AUTS2: variants seen among roughly 807,000 people sequenced by gnomAD.
AUTS2 encodes the protein autism susceptibility gene 2 protein.
AUTS2 carries 17 observed loss-of-function variants against 112.4 expected under a neutral mutation model. The ratio of observed to expected loss-of-function variants is 0.15; its 90% confidence interval spans 0.10 to 0.23. The LOEUF is 0.23. AUTS2 is among the 10% of genes least tolerant of loss of function. The pLI, the probability that AUTS2 is intolerant of heterozygous loss-of-function variation, is 1.00. For synonymous variants in AUTS2, 751 were observed against 702.7 expected (o/e 1.07, Z -1.09); for missense variants, 1,510 against 1,701.6 (o/e 0.89, Z 1.98).
chr7:70,755,995 C>T lies in AUTS2; in HGVS notation c.743-6875C>T, dbSNP rs1425616126. On this transcript the variant is annotated intron_variant, in intron 6 of 18. Coordinates refer to ENST00000342771, the MANE Select transcript of AUTS2 (RefSeq NM_015570.4). ...TTTTCTATAATATTCATTTGTTTTG[C>T]ACTTTTCCTCCTCCTCCTCCTCAAT... Among the ~76,000 whole-genome samples, 9 of 151,980 alleles carry T rather than the reference C, an allele frequency of 5.9e-5. No homozygotes were observed. In the East Asian group the frequency reaches 1.7e-3, roughly 29 times the overall value.
intron 2 of AUTS2, among the ~76,000 whole-genome samples, chr7:70,061,986 C>T (rs1802270660): frequency 6.6e-6 from 1 of 151,492 alleles, no homozygotes; most frequent in African/African-American, 2.4e-5. Flanking sequence ...TGGGATTTTG[C>T]CATGTTAGCC....
At chr7:70,735,336 G>A (rs1182902496) in intron 6 of AUTS2, among the ~76,000 whole-genome samples, 2 of 152,184 alleles carry the variant, frequency 1.3e-5, no homozygotes, top group Non-Finnish European at 2.9e-5. Flanking sequence ...AATTCAGTTG[G>A]TTTGTTCAGA....
chr7:70,752,173 G>A (rs1331964794), intron 6 of AUTS2, among the ~76,000 whole-genome samples: 9 of 152,174 alleles, frequency 5.9e-5, no homozygotes, highest in Non-Finnish European at 1.5e-5. Context: ...TAGCAGGAAG[G>A]CTGCACTGGG....
chr7:69,677,035 C>T (rs1796595707), intron 1 of AUTS2, among the ~76,000 whole-genome samples: 1 of 152,098 alleles, frequency 6.6e-6, no homozygotes, highest in African/African-American at 2.4e-5. Context: ...TAGAAAATTT[C>T]TGAAGAGAGA....
At chr7:69,844,330 C>A (rs978328384) in intron 1 of AUTS2, among the ~76,000 whole-genome samples, 6 of 152,124 alleles carry the variant, frequency 3.9e-5, no homozygotes, top group African/African-American at 1.4e-4. Flanking sequence ...ATAAGGAAAC[C>A]AGTCTTACTG....
intron 4 of AUTS2, among the ~76,000 whole-genome samples, chr7:70,368,871 G>A (rs1230448596): frequency 1.3e-5 from 2 of 152,132 alleles, no homozygotes; most frequent in African/African-American, 2.4e-5. Flanking sequence ...CAAGAGCAGC[G>A]TGAGGGGTCT....
Position 69,975,549 on chromosome 7 carries a change from G to C in AUTS2, c.522+76051G>C, listed in dbSNP as rs896430711. Among the ~76,000 whole-genome samples the C allele has an allele frequency of 6.6e-5, 10 of 151,194 alleles. 1 individual carries two copies. Among genetic ancestry groups the C allele is most frequent in the Admixed American group, 6.6e-4 (10 of 15,196 alleles). Reference sequence around the variant, plus strand: ...ATACTCTGTTTTTTGTTGTTGTTTTGTTTGTTTGTTTTGTTTTTCAGTCTC... The same window carrying C: ...ATACTCTGTTTTTTGTTGTTGTTTTCTTTGTTTGTTTTGTTTTTCAGTCTC... On this transcript the variant is annotated intron_variant, in intron 2 of 18. Transcript: ENST00000342771.
At chr7:70,229,764 C>T (rs1367640279) in intron 4 of AUTS2, among the ~76,000 whole-genome samples, 2 of 149,922 alleles carry the variant, frequency 1.3e-5, no homozygotes, top group Non-Finnish European at 3.0e-5. Flanking sequence ...CATTTTTTCC[C>T]CCTGTTCTTC....
chr7:70,689,718 G>T (rs1808655604), intron 5 of AUTS2, among the ~76,000 whole-genome samples: 1 of 143,674 alleles, frequency 7.0e-6, no homozygotes. Context: ...GGGGCTTGCA[G>T]TGAGCCAAGA....
At chr7:69,807,238 G>T (rs1017286768) in intron 1 of AUTS2, among the ~76,000 whole-genome samples, 1 of 152,108 alleles carries the variant, frequency 6.6e-6, no homozygotes, top group African/African-American at 2.4e-5. Context: ...GTCACTGTGG[G>T]TATTTATTTT....
At chr7:70,407,777 G>A (rs535883326) in intron 4 of AUTS2, among the ~76,000 whole-genome samples, 2 of 151,868 alleles carry the variant, frequency 1.3e-5, no homozygotes, top group South Asian at 4.2e-4. Context: ...AAAATGGGCC[G>A]GGCGTGATGG....
At chr7:70,126,672 A>C (rs888202233) in intron 3 of AUTS2, among the ~76,000 whole-genome samples, 3 of 152,212 alleles carry the variant, frequency 2.0e-5, no homozygotes, top group African/African-American at 4.8e-5. Flanking sequence ...AAATTTGTCA[A>C]AAGTTAGGAG....
chr7:69,651,405 C>G (rs1045651340), intron 1 of AUTS2, among the ~76,000 whole-genome samples: 1 of 152,190 alleles, frequency 6.6e-6, no homozygotes, highest in South Asian at 2.1e-4. Context: ...CATTTTACTC[C>G]GTGGCTAATA....
chr7:70,126,006 G>A (rs1444798621), intron 3 of AUTS2, among the ~76,000 whole-genome samples: 1 of 152,174 alleles, frequency 6.6e-6, no homozygotes, highest in Non-Finnish European at 1.5e-5. Context: ...TCTCAAGTGA[G>A]GCTAATCAAA....
At chr7:70,430,765 C>T (rs945255834) in intron 4 of AUTS2, among the ~76,000 whole-genome samples, 52 of 151,786 alleles carry the variant, frequency 3.4e-4, no homozygotes, top group African/African-American at 1.2e-3. Context: ...ATCTAAATAA[C>T]CAGCACTGGG....
intron 2 of AUTS2, among the ~76,000 whole-genome samples, chr7:70,068,178 CTT>C (rs774140092): frequency 1.0e-4 from 14 of 137,670 alleles, no homozygotes; most frequent in Admixed American, 2.2e-4. Flanking sequence ...TTTTTTTTTT[CTT>C]TTTTTTTTTT....
At chr7:70,661,005 C>A (rs1351715720) in intron 5 of AUTS2, among the ~76,000 whole-genome samples, 1 of 152,154 alleles carries the variant, frequency 6.6e-6, no homozygotes, top group Non-Finnish European at 1.5e-5. Flanking sequence ...ACATGTCACA[C>A]CCTGCAATTA....
intron 4 of AUTS2, among the ~76,000 whole-genome samples, chr7:70,381,057 C>T (rs1348992106): frequency 3.9e-5 from 6 of 151,964 alleles, no homozygotes; most frequent in African/African-American, 7.3e-5. Flanking sequence ...GCAATGATAC[C>T]GTATAAATAA....
chr7:69,698,755 TA>T lies in AUTS2; in HGVS notation c.309+98794del, dbSNP rs141167786. On this transcript the variant is annotated intron_variant, in intron 1 of 18. Coordinates refer to ENST00000342771, the MANE Select transcript of AUTS2 (RefSeq NM_015570.4). ...ACACTAGGTTGTATTTTGAGATTTT[TA>T]TTCATGCTTTTGGGTTCAAATTTAC... is the stretch of plus-strand genomic sequence containing the variant. 1.5e-3 allele frequency among the ~76,000 whole-genome samples: 227 copies of T among 152,304 alleles called. 1 individual carries two copies. The highest frequency in any genetic ancestry group is 5.4e-3 in the African/African-American group (224 of 41,576).
Sources: allele counts gnomAD v4.1 joint callset (sites outside exome capture counted in the v4.1 genomes callset), GRCh38; gene constraint gnomAD v4.1.1; transcripts MANE v1.5; gene names NCBI Gene and HGNC (gene_info 2026-07-23, HGNC 2026-07-21).